XAB2: variants seen among roughly 807,000 people sequenced by gnomAD.
The protein encoded by XAB2 is XPA binding protein 2.
Under a neutral mutation model 113.4 loss-of-function variants are expected in XAB2, and 57 were observed. That is an observed-to-expected ratio of 0.50 (90% CI 0.41 to 0.63). XAB2 has a LOEUF of 0.63. XAB2 is among the 20% of genes least tolerant of loss of function. XAB2 has a pLI of 0.00. For missense variants in XAB2, 1,037 were observed against 1,233.3 expected (o/e 0.84, Z 2.38); for synonymous variants, 497 against 498.8 (o/e 1.00, Z 0.05).
In XAB2 at chr19:7,627,552, C is replaced by T. The variant is rs1000498679; in HGVS notation, c.325-112G>A. On this transcript the variant is annotated intron_variant, in intron 3 of 18. Transcript: ENST00000358368. The surrounding 1 kb of genome is among the most constrained non-coding windows in gnomAD (Gnocchi z 4.5). ...ACCTGGGGCCACCACATAAATGCGG[C>T]GGGACCCAGAAACCCCCAGCTCCAG... 19 of 1,502,928 alleles carry T rather than the reference C, an allele frequency of 1.3e-5. No individual in the cohort carries two copies. Among genetic ancestry groups the T allele is most frequent in the Middle Eastern group, 4.8e-4 (2 of 4,144 alleles). The allele number at this position is 1,502,928 out of a possible 1,614,324, so 93.1% of individuals were successfully genotyped here. A position where few individuals can be genotyped will look rare whatever the true frequency, so the allele number is the denominator to read the frequency against.
At position 7,628,037 on chromosome 19, in the gene XAB2, A is replaced by T; in HGVS notation, c.200+113T>A. 6.8e-7 allele frequency: 1 copy of T among 1,479,300 alleles called. No homozygotes were observed. Among genetic ancestry groups the T allele is most frequent in the South Asian group, 1.3e-5 (1 of 78,668 alleles). The allele number at this position is 1,479,300 out of a possible 1,614,324, so 91.6% of individuals were successfully genotyped here. A position where few individuals can be genotyped will look rare whatever the true frequency, so the allele number is the denominator to read the frequency against. ...TGACCCATCAAGGGATGTACAGGTC[A>T]GTGATGAAACACGAAGCAATCACCC... is the stretch of plus-strand genomic sequence containing the variant. On this transcript the variant is annotated intron_variant, in intron 2 of 18. Transcript: ENST00000358368. This position sits in a 1 kb window ranked among gnomAD's most constrained non-coding sequence, Gnocchi z 4.6.
rs1599371853 is a variant in XAB2 at position 7,623,665 on chromosome 19, T to C, written c.1119+66A>G. Reference sequence around the variant, plus strand: ...TAGAAGGTGACATTATGGGTGAAGGTGGGTGGCTCCCCAGTTCTGCAGGAA... The same window carrying C: ...TAGAAGGTGACATTATGGGTGAAGGCGGGTGGCTCCCCAGTTCTGCAGGAA... On this transcript the variant is annotated intron_variant, in intron 8 of 18. Transcript: ENST00000358368. This position sits in a 1 kb window ranked among gnomAD's most constrained non-coding sequence, Gnocchi z 4.6. 1 of 1,516,030 alleles carries C rather than the reference T, an allele frequency of 6.6e-7. No homozygotes were observed. The highest frequency in any genetic ancestry group is 2.3e-5 in the East Asian group (1 of 43,764). The allele number at this position is 1,516,030 out of a possible 1,614,324, so 93.9% of individuals were successfully genotyped here.
At position 7,622,622 on chromosome 19, in the gene XAB2, CAA is replaced by C; in HGVS notation, c.1409_1410del (p.Phe470Ter). The C allele has an allele frequency of 6.2e-7, 1 of 1,612,390 alleles. No homozygotes were observed. Among genetic ancestry groups the C allele is most frequent in the Non-Finnish European group, 8.5e-7 (1 of 1,180,026 alleles). ...TALPARRAEY[F>X]DGSEPVQNRV... Reference sequence around the variant, plus strand: ...CGGTTCTGCACGGGCTCTGAACCATCAAAGTACTCGGCCCGGCGGGCAGGCAG... The same window carrying C: ...CGGTTCTGCACGGGCTCTGAACCATCAGTACTCGGCCCGGCGGGCAGGCAG... On this transcript the variant is annotated frameshift_variant, in exon 11 of 19. Transcript: ENST00000358368. LOFTEE classifies it high-confidence loss of function.
In XAB2 at chr19:7,623,851, G is replaced by A; in HGVS notation, c.999C>T (p.Arg333=). The A allele has an allele frequency of 6.2e-7, 1 of 1,602,896 alleles. No individual in the cohort carries two copies. The stretch of plus-strand genomic sequence containing the variant: ...GCCGCCGGCTGATGAGCTGCTCGAA[G>A]CGGGCCAGGCGCAGCTCCAGGTCCA... The part of the protein sequence containing the change: ...DDVDLELRLA[R]FEQLISRRPL... The change falls in exon 8 of 19, where the codon CGC becomes CGT. Residue 333 remains arginine (R), a synonymous_variant. Transcript: ENST00000358368. The surrounding 1 kb of genome is among the most constrained non-coding windows in gnomAD (Gnocchi z 4.6).
At chr19:7,626,068 G>GA (rs1272514319) in intron 5 of XAB2, 24 bp from the exon 6 acceptor site, 2 of 1,608,450 alleles carry the variant, frequency 1.2e-6, no homozygotes, top group Non-Finnish European at 8.5e-7. Context: ...GGCAGTGGGG[G>GA]AGAGTCTCAG....
rs1346662739 is a variant in XAB2, at chr19:7,626,000, C to T, written c.702G>A (p.Lys234=). The change falls in exon 6 of 19, where the codon AAG becomes AAA. Residue 234 remains lysine, a synonymous_variant. Transcript: ENST00000358368. The surrounding 1 kb of genome is among the most constrained non-coding windows in gnomAD (Gnocchi z 5.2). ...LCDLISQNPD[K]VQSLNVDAII... ...TGGCGTCCACATTGAGGGACTGTAC[C>T]TTGTCCGGATTCTGGGAGATGAGGT... is the stretch of plus-strand genomic sequence containing the variant. 6.2e-7 allele frequency: 1 copy of T among 1,612,900 alleles called. No homozygotes were observed. Among genetic ancestry groups the T allele is most frequent in the Non-Finnish European group, 8.5e-7 (1 of 1,179,146 alleles).
rs1373363959 is a variant in XAB2, at chr19:7,620,965, G to C, written c.1852C>G (p.Arg618Gly). The change falls in exon 14 of 19, where the codon CGT (arginine) becomes GGT (glycine). Residue 618 changes from arginine to glycine, a missense_variant. Physicochemically the swap from Arg to Gly is moderately radical, Grantham distance 125 (BLOSUM62 -2). Transcript: ENST00000358368. The stretch of plus-strand genomic sequence containing the variant: ...GCGGGCTCCACGGCCCTGGTGGCAC[G>C]CTCGTACACGGCCATGGCATGCCGG... ...LARHAMAVYE[R>G]ATRAVEPAQQ... 6.3e-7 allele frequency: 1 copy of C among 1,578,910 alleles called. No individual in the cohort carries two copies. Among genetic ancestry groups the C allele is most frequent in the Admixed American group, 1.9e-5 (1 of 53,194 alleles).
At position 7,623,394 on chromosome 19, in the gene XAB2, CCT is replaced by C. The variant is rs572247630; in HGVS notation, c.1120-107_1120-106del. On this transcript the variant is annotated intron_variant, in intron 8 of 18. Coordinates refer to ENST00000358368, the MANE Select transcript of XAB2 (RefSeq NM_020196.3). The surrounding 1 kb of genome is among the most constrained non-coding windows in gnomAD (Gnocchi z 4.6). ...GTGGGGCCTGGAGGGTGCTGTGGCC[CCT>C]GTCGGGAGAGGCCAGAAACGAACTA... 1.3e-4 allele frequency: 194 copies of C among 1,483,426 alleles called. 1 individual carries two copies. The African/African-American group carries it at 2.0e-3, about 15-fold the overall frequency. The allele number at this position is 1,483,426 out of a possible 1,614,324, so 91.9% of individuals were successfully genotyped here.
Position 7,623,058 on chromosome 19 carries a change from G to A in XAB2, c.1239+112C>T, listed in dbSNP as rs113693742. 7.8e-5 allele frequency: 121 copies of A among 1,559,134 alleles called. 6 individuals are homozygous for A. The African/African-American group carries it at 1.1e-3, about 14-fold the overall frequency. On this transcript the variant is annotated intron_variant, in intron 9 of 18. Transcript: ENST00000358368. The surrounding 1 kb of genome is among the most constrained non-coding windows in gnomAD (Gnocchi z 4.6). ...CATATGCATGCACCCAAATGCACAT[G>A]CACACACACGTGCACACATCCATGC...
chr19:7,625,674 T>G lies in XAB2; in HGVS notation c.822+206A>C, dbSNP rs2031124836. Among the ~76,000 whole-genome samples the G allele has an allele frequency of 2.0e-5, 3 of 152,122 alleles. No individual in the cohort carries two copies. The highest frequency in any genetic ancestry group is 2.9e-5 in the Non-Finnish European group (2 of 68,018). The stretch of plus-strand genomic sequence containing the variant: ...TTGTATTTTTAGTAGTGATGGGGTT[T>G]CACCATGTTGGCCAGGCTGGTCTTG... On this transcript the variant is annotated intron_variant, in intron 6 of 18. Transcript: ENST00000358368. The surrounding 1 kb of genome is among the most constrained non-coding windows in gnomAD (Gnocchi z 5.2).
Position 7,627,664 on chromosome 19 carries a change from CG to C in XAB2, c.324+63del. 4.4e-6 allele frequency: 7 copies of C among 1,590,592 alleles called. No individual in the cohort carries two copies. The highest frequency in any genetic ancestry group is 6.0e-6 in the Non-Finnish European group (7 of 1,163,104). On this transcript the variant is annotated intron_variant, in intron 3 of 18. Transcript: ENST00000358368. This position sits in a 1 kb window ranked among gnomAD's most constrained non-coding sequence, Gnocchi z 4.5. ...ACATGCTGAGCCCAGCCCCTGTCCC[CG>C]CCCCACCCACCACCATGGACTGAGC...
chr19:7,627,512 C>T lies in XAB2; in HGVS notation c.325-72G>A. ...GGCCTGGCCACAGACACTCGATGTC[C>T]TGTGGCTGAGCCACACCTGGGGCCA... On this transcript the variant is annotated intron_variant, in intron 3 of 18. Transcript: ENST00000358368. This position sits in a 1 kb window ranked among gnomAD's most constrained non-coding sequence, Gnocchi z 4.5. 6.4e-7 allele frequency: 1 copy of T among 1,559,152 alleles called. No homozygotes were observed. Among genetic ancestry groups the T allele is most frequent in the South Asian group, 1.1e-5 (1 of 87,108 alleles).
Position 7,621,267 on chromosome 19 carries a change from A to T in XAB2, c.1648T>A (p.Trp550Arg), listed in dbSNP as rs773642138. The part of the protein sequence containing the change: ...AYERGISLFK[W>R]PNVSDIWSTY... The stretch of plus-strand genomic sequence containing the variant: ...CTCCAGATGTCGGACACGTTGGGCC[A>T]CTTGAACAGCGAGATGCCGCGCTCG... Residue 550 changes from tryptophan (W) to arginine (R), a missense_variant, in exon 13 of 19, where the codon TGG becomes AGG. Trp to Arg is a moderately radical substitution (Grantham distance 101). Coordinates refer to ENST00000358368, the MANE Select transcript of XAB2 (RefSeq NM_020196.3). 12 of 1,613,026 alleles carry T rather than the reference A, an allele frequency of 7.4e-6. No homozygotes were observed. The highest frequency in any genetic ancestry group is 1.0e-5 in the Non-Finnish European group (12 of 1,179,964).
chr19:7,627,845 T>C lies in XAB2; in HGVS notation c.207A>G (p.Lys69=). 1 of 1,611,468 alleles carries C rather than the reference T, an allele frequency of 6.2e-7. No homozygotes were observed. Among genetic ancestry groups the C allele is most frequent in the Non-Finnish European group, 8.5e-7 (1 of 1,178,244 alleles). ...RALKLLPCSY[K]LWYRYLKARR... ...GCGCCTTCAGGTATCGGTACCAGAG[T>C]TTGTAGCTGGGGAATAGGAGGGGAC... Residue 69 remains lysine (K), a synonymous_variant, in exon 3 of 19, where the codon AAA becomes AAG. Coordinates refer to ENST00000358368, the MANE Select transcript of XAB2 (RefSeq NM_020196.3). The surrounding 1 kb of genome is among the most constrained non-coding windows in gnomAD (Gnocchi z 4.5).
At position 7,620,912 on chromosome 19, in the gene XAB2, G is replaced by A; in HGVS notation, c.1905C>T (p.Tyr635=). Residue 635 remains tyrosine (Y), a synonymous_variant, in exon 14 of 19, where the codon TAC becomes TAT. Transcript: ENST00000358368. ...PAQQYDMFNI[Y]IKRAAEIYGV... is the part of the protein sequence containing the mutation. The stretch of plus-strand genomic sequence containing the variant: ...CATAGATCTCGGCCGCCCGCTTGAT[G>A]TAGATGTTGAACATGTCATACTGCT... 8 of 1,604,128 alleles carry A rather than the reference G, an allele frequency of 5.0e-6. No homozygotes were observed. The highest frequency in any genetic ancestry group is 6.8e-6 in the Non-Finnish European group (8 of 1,176,734).
chr19:7,624,445 C>T lies in XAB2; in HGVS notation c.823G>A (p.Ala275Thr), dbSNP rs953647612. 3 of 1,614,056 alleles carry T rather than the reference C, an allele frequency of 1.9e-6. No homozygotes were observed. Among genetic ancestry groups the T allele is most frequent in the Non-Finnish European group, 2.5e-6 (3 of 1,180,000 alleles). Residue 275 changes from alanine to threonine, a missense_variant and splice_region_variant, in exon 7 of 19, where the codon GCT becomes ACT. Physicochemically the swap from Ala to Thr is moderately conservative, Grantham distance 58. Transcript: ENST00000358368. This position sits in a 1 kb window ranked among gnomAD's most constrained non-coding sequence, Gnocchi z 4.2. Reference protein sequence around the residue: ...YYIRSGHFEKARDVYEEAIRT... With the variant: ...YYIRSGHFEKTRDVYEEAIRT... ...ATGGCCTCCTCGTACACGTCCCGAG[C>T]CTGTGGGGACCCAGGGAAGGGGAGG...
chr19:7,619,595 C>T lies in XAB2; in HGVS notation c.2559G>A (p.Lys853=), dbSNP rs1475106273. Residue 853 remains lysine (K), a synonymous_variant, in exon 19 of 19, where the codon AAG becomes AAA. Coordinates refer to ENST00000358368, the MANE Select transcript of XAB2 (RefSeq NM_020196.3). ...ATGGGGGAGGGACGGGTCAGTCTTC[C>T]TTCAGGCTCCCAAACACTGCGGCTG... The part of the protein sequence containing the change: ...SVPAAVFGSL[K]ED 4 of 1,596,480 alleles carry T rather than the reference C, an allele frequency of 2.5e-6. No individual in the cohort carries two copies. The highest frequency in any genetic ancestry group is 2.7e-5 in the African/African-American group (2 of 74,742).
In XAB2 at chr19:7,624,634, G is replaced by A. The variant is rs1225464611; in HGVS notation, c.823-189C>T. On this transcript the variant is annotated intron_variant, in intron 6 of 18. Transcript: ENST00000358368. The surrounding 1 kb of genome is among the most constrained non-coding windows in gnomAD (Gnocchi z 4.2). ...TCTCACCCCCGCCCTGCCCTGCACT[G>A]CCAGGGTGGTCTTGGGAGCTTCAGG... Among the ~76,000 whole-genome samples, 1 of 152,152 alleles carries A rather than the reference G, an allele frequency of 6.6e-6. No individual in the cohort carries two copies. The highest frequency in any genetic ancestry group is 1.5e-5 in the Non-Finnish European group (1 of 68,002).
Position 7,620,276 on chromosome 19 carries a change from G to C in XAB2, c.2265C>G (p.Thr755=). 1.1e-5 allele frequency: 17 copies of C among 1,613,084 alleles called. No individual in the cohort carries two copies. The highest frequency in any genetic ancestry group is 1.4e-5 in the Non-Finnish European group (17 of 1,180,002). ...ACTCAGCCAGCTGGGACGGCTCACC[G>C]GTGCCCGTGGCACTGCCCGAGACCT... The part of the protein sequence containing the change: ...MLKVSGSATG[T]VSDLAPGQSG... The change falls in exon 16 of 19, where the codon ACC becomes ACG. Residue 755 remains threonine (T), a splice_region_variant and synonymous_variant. Transcript: ENST00000358368.
Sources: gnomAD v4.1 joint callset for allele counts (sites outside exome capture counted in the v4.1 genomes callset) on GRCh38, gnomAD v4.1.1 for gene constraint, Gnocchi (gnomAD v3.1) non-coding constraint, MANE v1.5 for transcripts, NCBI Gene and HGNC (gene_info 2026-07-23, HGNC 2026-07-21) for gene names.